The following JMY variants were observed in gnomAD, a reference collection of about 807,000 sequenced individuals.
JMY encodes junction-mediating and -regulatory protein.
In JMY, 46 loss-of-function variants were observed where a neutral mutation model predicts 103.3. The ratio of observed to expected loss-of-function variants is 0.45; its 90% CI spans 0.35 to 0.57. JMY has a LOEUF of 0.57. Among genes scored for constraint, JMY ranks in the 20% least tolerant of loss-of-function variants. JMY has a pLI of 0.00. For missense variants in JMY, 1,238 were observed against 1,255.2 expected, an observed-to-expected ratio of 0.99 and a Z score of 0.21; for synonymous variants, 526 against 489.3, an observed-to-expected ratio of 1.07 and a Z score of -0.99.
At chr5:79,265,780 C>CT (rs34354467) in intron 1 of JMY, among the ~76,000 whole-genome samples, 3,250 of 116,174 alleles carry the variant, frequency 0.028, 135 homozygotes, top group African/African-American at 0.079. Flanking sequence ...TGTGATGATT[C>CT]TTTTTTTTTT....
chr5:79,320,862 T>A (rs990180444), intron 10 of JMY, among the ~76,000 whole-genome samples: 4 of 152,252 alleles, frequency 2.6e-5, no homozygotes, highest in Non-Finnish European at 4.4e-5. Context: ...AGTGTATGTT[T>A]TATATATACT....
chr5:79,254,975 A>C (rs1308446969), intron 1 of JMY, among the ~76,000 whole-genome samples: 6 of 151,248 alleles, frequency 4.0e-5, no homozygotes. Context: ...TTAGCTCTGG[A>C]ATTTCTGCTT....
chr5:79,248,214 G>T (rs1744965987), intron 1 of JMY, among the ~76,000 whole-genome samples: 1 of 151,916 alleles, frequency 6.6e-6, no homozygotes, highest in African/African-American at 2.4e-5. Context: ...ATTTTTAGTA[G>T]AGACGGGATT....
At chr5:79,271,636 C>T (rs955668318) in intron 1 of JMY, among the ~76,000 whole-genome samples, 16 of 152,098 alleles carry the variant, frequency 1.1e-4, no homozygotes, top group African/African-American at 1.9e-4. Context: ...TTTTACTCAC[C>T]GTTATGCTAA....
In JMY at chr5:79,236,552, G is replaced by T. The variant is rs1433032756; in HGVS notation, c.-99G>T. ...CCGGCGCACTAAGATGGCTGAAGGCGCCCGGCGAGGGTGAGCGGGGGGCGC... is the reference window on the plus strand; with the variant it reads ...CCGGCGCACTAAGATGGCTGAAGGCTCCCGGCGAGGGTGAGCGGGGGGCGC... On this transcript the variant is annotated 5_prime_UTR_variant, in exon 1 of 11. Transcript: ENST00000396137. 24 of 999,382 alleles carry T rather than the reference G, an allele frequency of 2.4e-5. No individual in the cohort carries two copies. The East Asian group carries it at 8.0e-4, about 33-fold the overall frequency. The allele number at this position is 999,382 out of a possible 1,614,324, so 61.9% of individuals were successfully genotyped here.
intron 1 of JMY, among the ~76,000 whole-genome samples, chr5:79,249,342 A>G (rs140497594): frequency 1.7e-3 from 265 of 152,326 alleles, no homozygotes; most frequent in African/African-American, 5.4e-3. Context: ...ATTTTAGAGT[A>G]GCAGTATTTA....
At position 79,236,863 on chromosome 5, in the gene JMY, C is replaced by T. The variant is rs1744521933; in HGVS notation, c.213C>T (p.Gly71=). ...GGGCGCGAGGGGGCGCCGAGGCCGG[C>T]GGAGCTGCGTCCGACGGGAGCCGCG... ...QAGARGGAEA[G]GAASDGSRGP... The change falls in exon 1 of 11, where the codon GGC becomes GGT. Residue 71 remains glycine (G), a synonymous_variant. Transcript: ENST00000396137. The T allele has an allele frequency of 1.4e-6, 2 of 1,441,612 alleles. No homozygotes were observed. Among genetic ancestry groups the T allele is most frequent in the Admixed American group, 2.5e-5 (1 of 39,496 alleles). The allele number at this position is 1,441,612 out of a possible 1,614,324, so 89.3% of individuals were successfully genotyped here.
chr5:79,255,687 A>AG (rs1304899188), intron 1 of JMY, among the ~76,000 whole-genome samples: 4 of 152,234 alleles, frequency 2.6e-5, no homozygotes, highest in African/African-American at 9.6e-5. Context: ...AGACTCATAA[A>AG]GGTACCACCT....
In JMY at chr5:79,297,048, A is replaced by G. The variant is rs575214110; in HGVS notation, c.1528-3105A>G. On this transcript the variant is annotated intron_variant, in intron 4 of 10. Coordinates refer to ENST00000396137, the MANE Select transcript of JMY (RefSeq NM_152405.5). ...GTAAAACAATAACAATAACACTTTG[A>G]TATTTTTCCGTCTTTTTGGGCTGGT... 2.6e-5 allele frequency among the ~76,000 whole-genome samples: 4 copies of G among 152,256 alleles called. No individual in the cohort carries two copies. In the East Asian group the frequency reaches 7.7e-4, roughly 29 times the overall value.
chr5:79,261,385 T>A (rs1010343853), intron 1 of JMY, among the ~76,000 whole-genome samples: 3 of 151,932 alleles, frequency 2.0e-5, no homozygotes, highest in South Asian at 2.1e-4. Flanking sequence ...CTACAAATAA[T>A]AATAATAATA....
chr5:79,243,487 G>A (rs937176733), intron 1 of JMY, among the ~76,000 whole-genome samples: 1 of 152,138 alleles, frequency 6.6e-6, no homozygotes, highest in Admixed American at 6.5e-5. Context: ...TGCTCTGTCT[G>A]GCAGTTCTTG....
At chr5:79,319,057 C>T (rs1747353525) in intron 10 of JMY, among the ~76,000 whole-genome samples, 1 of 152,166 alleles carries the variant, frequency 6.6e-6, no homozygotes, top group Non-Finnish European at 1.5e-5. Context: ...CCACAGTGGC[C>T]CATTCACAGC....
intron 7 of JMY, among the ~76,000 whole-genome samples, chr5:79,307,085 A>G (rs1409091079): frequency 3.4e-4 from 52 of 152,220 alleles, no homozygotes; most frequent in Non-Finnish European, 7.1e-4. Flanking sequence ...ATGGCTTGAT[A>G]GCTCATTTTA....
In JMY at chr5:79,236,463, C is replaced by T; in HGVS notation, c.-188C>T. The T allele has an allele frequency of 2.3e-6, 1 of 428,280 alleles. No individual in the cohort carries two copies. Among genetic ancestry groups the T allele is most frequent in the Non-Finnish European group, 4.0e-6 (1 of 249,126 alleles). 26.5% of individuals were successfully genotyped at this position (428,280 alleles called of 1,614,324 possible). A position where few individuals can be genotyped will look rare whatever the true frequency, so the allele number is the denominator to read the frequency against. On this transcript the variant is annotated 5_prime_UTR_variant, in exon 1 of 11. Transcript: ENST00000396137. The stretch of plus-strand genomic sequence containing the variant: ...GACGCTTATTGTCCTTCTCTCGATC[C>T]GCGCCACAAAGGAGCTCGGCGGTCG...
chr5:79,278,477 C>T (rs539187432), intron 2 of JMY, among the ~76,000 whole-genome samples: 14 of 145,106 alleles, frequency 9.6e-5, no homozygotes, highest in Non-Finnish European at 1.5e-4. Context: ...GCAGGCTGAG[C>T]GTGGTGCCTC....
chr5:79,238,648 CTTTTT>C (rs1055172051), intron 1 of JMY, among the ~76,000 whole-genome samples: 5 of 120,666 alleles, frequency 4.1e-5, no homozygotes, highest in South Asian at 2.9e-4. Context: ...TCCGCGCCTT[CTTTTT>C]TTTTTTTTTT....
Position 79,237,040 on chromosome 5 carries a change from T to G in JMY, c.390T>G (p.Ser130Arg). Residue 130 changes from serine (S) to arginine (R), a missense_variant, in exon 1 of 11, where the codon AGT (serine) becomes AGG (arginine). By Grantham distance (110) the Ser-to-Arg change is moderately radical. Coordinates refer to ENST00000396137, the MANE Select transcript of JMY (RefSeq NM_152405.5). ...TTCTGGGGGACCCGCGGCTGCGGAG[T>G]CCTGGCAGCAAAGGGGCGGAGAGTC... is the stretch of plus-strand genomic sequence containing the variant. ...RSLLGDPRLR[S>R]PGSKGAESRL... 1 of 1,515,320 alleles carries G rather than the reference T, an allele frequency of 6.6e-7. No individual in the cohort carries two copies. The highest frequency in any genetic ancestry group is 8.9e-7 in the Non-Finnish European group (1 of 1,128,112). The allele number at this position is 1,515,320 out of a possible 1,614,324, so 93.9% of individuals were successfully genotyped here. A position where few individuals can be genotyped will look rare whatever the true frequency, so the allele number is the denominator to read the frequency against.
In JMY at chr5:79,270,571, ATG is replaced by A. The variant is rs1219026038; in HGVS notation, c.1033-7337_1033-7336del. 6.7e-3 allele frequency among the ~76,000 whole-genome samples: 234 copies of A among 34,694 alleles called. 17 individuals are homozygous for A. Among genetic ancestry groups the A allele is most frequent in the Non-Finnish European group, 0.015 (158 of 10,748 alleles). 22.8% of individuals were successfully genotyped at this position (34,694 alleles called of 152,430 possible). A position where few individuals can be genotyped will look rare whatever the true frequency, so the allele number is the denominator to read the frequency against. ...ATGTATATTTACATAAATATTTAAA[ATG>A]TATATTTACATAAATATTTAAAATG... is the stretch of plus-strand genomic sequence containing the variant. On this transcript the variant is annotated intron_variant, in intron 1 of 10. Coordinates refer to ENST00000396137, the MANE Select transcript of JMY (RefSeq NM_152405.5).
rs1389276951 is a variant in JMY, at chr5:79,322,849, A to G, written c.*1247A>G. 1 of 152,168 alleles carries G rather than the reference A, an allele frequency of 6.6e-6. No individual in the cohort carries two copies. Among genetic ancestry groups the G allele is most frequent in the African/African-American group, 2.4e-5 (1 of 41,428 alleles). 9.4% of individuals were successfully genotyped at this position (152,168 alleles called of 1,614,324 possible). On this transcript the variant is annotated 3_prime_UTR_variant, in exon 11 of 11. Transcript: ENST00000396137. ...AAGACAGATCTTGGCCTTTCTGTGG[A>G]GGGAGTTAAGAACTAAAATACCAAA...
Sources: gnomAD v4.1 joint callset for allele counts (sites outside exome capture counted in the v4.1 genomes callset) on GRCh38, gnomAD v4.1.1 for gene constraint, MANE v1.5 for transcripts, NCBI Gene and HGNC (gene_info 2026-07-23, HGNC 2026-07-21) for gene names.